The following SREK1IP1 variants were observed in gnomAD, a reference collection of about 807,000 sequenced individuals.
SREK1IP1 encodes the protein SREK1 interacting protein 1, also known as protein SREK1IP1.
SREK1IP1 carries 12 observed loss-of-function variants against 22.8 expected under a neutral mutation model. The observed-to-expected ratio is 0.53, with a 90% CI of 0.34 to 0.85. The LOEUF is 0.85. Ranked by LOEUF, SREK1IP1 falls within the 40% of genes least tolerant of loss-of-function variation. The pLI is 0.02. For synonymous variants in SREK1IP1, 53 were observed against 52.7 expected (o/e 1.01, Z -0.02); for missense variants, 147 against 171.8 (o/e 0.86, Z 0.81).
rs577774363 is a variant in SREK1IP1 at position 64,746,827 on chromosome 5, T to G, written c.62-5627A>C. On this transcript the variant is annotated intron_variant, in intron 2 of 4. Transcript: ENST00000513458. ...AGTTAAGGGCTCAGACCCACAAGACTATTCCCATTTCTGATGCCTATAGCG... is the reference window on the plus strand; with the variant it reads ...AGTTAAGGGCTCAGACCCACAAGACGATTCCCATTTCTGATGCCTATAGCG... Among the ~76,000 whole-genome samples, 69 of 152,292 alleles carry G rather than the reference T, an allele frequency of 4.5e-4. No individual in the cohort carries two copies. In the South Asian group the frequency reaches 0.012, roughly 27 times the overall value.
chr5:64,756,821 T>C (rs941138293), intron 1 of SREK1IP1, among the ~76,000 whole-genome samples: 2 of 152,040 alleles, frequency 1.3e-5, no homozygotes, highest in Admixed American at 6.6e-5. Flanking sequence ...AGAGATGGGG[T>C]TTCACCATGT....
At chr5:64,740,917 C>A in intron 3 of SREK1IP1, 140 bp downstream of exon 3, 1 of 737,016 alleles carries the variant, frequency 1.4e-6, no homozygotes, top group Non-Finnish European at 2.1e-6. Flanking sequence ...AAATAACTTA[C>A]AATATTTAAA....
chr5:64,746,263 T>C (rs962241228), intron 2 of SREK1IP1, among the ~76,000 whole-genome samples: 14 of 152,166 alleles, frequency 9.2e-5, no homozygotes, highest in African/African-American at 3.1e-4. Context: ...ATAAAGCTCT[T>C]AGAAGAAAGC....
chr5:64,753,055 A>T (rs1231817389), intron 2 of SREK1IP1, among the ~76,000 whole-genome samples: 1 of 152,238 alleles, frequency 6.6e-6, no homozygotes, highest in Non-Finnish European at 1.5e-5. Flanking sequence ...ATTACTGCAG[A>T]TACTTCCATT....
rs185174179 is a variant in SREK1IP1 at position 64,762,706 on chromosome 5, G to A, written c.13+5799C>T. Among the ~76,000 whole-genome samples the A allele has an allele frequency of 4.7e-4, 71 of 152,208 alleles. 1 individual carries two copies. The highest frequency in any genetic ancestry group is 1.7e-3 in the African/African-American group (69 of 41,534). On this transcript the variant is annotated intron_variant, in intron 1 of 4. Transcript: ENST00000513458. ...ATAATTTAAAAAATAGGCTAAATGA[G>A]TTTCTCAATGCAAGTATTCTGAAAT...
chr5:64,727,553 A>ATATATATATATTTT, intron 4 of SREK1IP1: 2 of 84,716 alleles, frequency 2.4e-5, no homozygotes, highest in African/African-American at 1.1e-4. Flanking sequence ...ATATATATAT[A>ATATATATATATTTT]TTTTTTTTTT....
intron 1 of SREK1IP1, among the ~76,000 whole-genome samples, chr5:64,767,496 G>A (rs1053144499): frequency 2.3e-4 from 35 of 152,078 alleles, no homozygotes; most frequent in Admixed American, 1.3e-4. Flanking sequence ...GTACTCCTCC[G>A]CAAACTTCAG....
At position 64,768,596 on chromosome 5, in the gene SREK1IP1, C is replaced by G. The variant is rs1743112648; in HGVS notation, c.-79G>C. The G allele has an allele frequency of 6.2e-7, 1 of 1,606,922 alleles. No individual in the cohort carries two copies. The highest frequency in any genetic ancestry group is 1.7e-5 in the Admixed American group (1 of 59,658). ...TCCCGCCAGCTGTGAGAACAAGGCA[C>G]AGTCAAAGCGGCGTTTTCCTTCCCC... On this transcript the variant is annotated 5_prime_UTR_variant, in exon 1 of 5. Transcript: ENST00000513458.
At position 64,719,654 on chromosome 5, in the gene SREK1IP1, A is replaced by C. The variant is rs1156260405; in HGVS notation, c.*4730T>G. The C allele has an allele frequency of 6.6e-6, 1 of 152,184 alleles. No individual in the cohort carries two copies. The highest frequency in any genetic ancestry group is 6.5e-5 in the Admixed American group (1 of 15,274). The allele number at this position is 152,184 out of a possible 1,614,324, so 9.4% of individuals were successfully genotyped here. A position where few individuals can be genotyped will look rare whatever the true frequency, so the allele number is the denominator to read the frequency against. On this transcript the variant is annotated 3_prime_UTR_variant, in exon 5 of 5. Transcript: ENST00000513458. ...GGCCAAGGACTATAAATGGCACAAG[A>C]AGCAAGAAACAGACAGAGCTAGCAA...
chr5:64,741,307 A>G lies in SREK1IP1; in HGVS notation c.62-107T>C, dbSNP rs1464629362. 4 of 1,060,858 alleles carry G rather than the reference A, an allele frequency of 3.8e-6. No individual in the cohort carries two copies. In the African/African-American group the frequency reaches 6.5e-5, roughly 17 times the overall value. The allele number at this position is 1,060,858 out of a possible 1,614,324, so 65.7% of individuals were successfully genotyped here. ...TAACCAGTAAGTTACAATTTCAATAATATAATGTAGAAAGCTTTAACTTTT... is the reference window on the plus strand; with the variant it reads ...TAACCAGTAAGTTACAATTTCAATAGTATAATGTAGAAAGCTTTAACTTTT... On this transcript the variant is annotated intron_variant, in intron 2 of 4. Transcript: ENST00000513458.
rs1561386732 is a variant in SREK1IP1, at chr5:64,741,039, G to A, written c.205+18C>T. 1 of 1,602,816 alleles carries A rather than the reference G, an allele frequency of 6.2e-7. No homozygotes were observed. The highest frequency in any genetic ancestry group is 2.2e-5 in the East Asian group (1 of 44,696). ...CATTTACAAACATTTCTAAAGAATG[G>A]AAAAAAATATTGCTTACTTTTTTCC... On this transcript the variant is annotated intron_variant, in intron 3 of 4. Transcript: ENST00000513458.
chr5:64,745,945 G>A (rs925115585), intron 2 of SREK1IP1, among the ~76,000 whole-genome samples: 4 of 152,108 alleles, frequency 2.6e-5, no homozygotes, highest in Admixed American at 2.6e-4. Flanking sequence ...AAAAAAGGTG[G>A]AGGATTCACC....
At chr5:64,731,051 T>C (rs985584085) in intron 3 of SREK1IP1, among the ~76,000 whole-genome samples, 7 of 152,156 alleles carry the variant, frequency 4.6e-5, no homozygotes, top group African/African-American at 1.7e-4. Context: ...AGATAAGAAC[T>C]TGGAGTAAAA....
chr5:64,741,477 T>TTA (rs1376046471), intron 2 of SREK1IP1, among the ~76,000 whole-genome samples: 3 of 152,124 alleles, frequency 2.0e-5, no homozygotes, highest in African/African-American at 7.2e-5. Flanking sequence ...AAGTATTGAG[T>TTA]TATTCTATTT....
intron 4 of SREK1IP1, among the ~76,000 whole-genome samples, chr5:64,726,210 T>A (rs1742261978): frequency 6.6e-6 from 1 of 152,048 alleles, no homozygotes; most frequent in African/African-American, 2.4e-5. Context: ...GGCTGTGGCA[T>A]AGCAACACTT....
chr5:64,764,577 CAGAG>C (rs1192073584), intron 1 of SREK1IP1, among the ~76,000 whole-genome samples: 1 of 152,056 alleles, frequency 6.6e-6, no homozygotes, highest in African/African-American at 2.4e-5. Context: ...TGCATTCTCG[CAGAG>C]AGAGATGGGG....
At chr5:64,762,240 T>G (rs1742963579) in intron 1 of SREK1IP1, among the ~76,000 whole-genome samples, 1 of 152,214 alleles carries the variant, frequency 6.6e-6, no homozygotes, top group Non-Finnish European at 1.5e-5. Flanking sequence ...CATATACAGC[T>G]TAAGTAACTA....
chr5:64,744,044 A>T (rs13165926), intron 2 of SREK1IP1, among the ~76,000 whole-genome samples: 1 of 152,004 alleles, frequency 6.6e-6, no homozygotes, highest in Non-Finnish European at 1.5e-5. Flanking sequence ...ATAAGATCTC[A>T]GGAACCGGGC....
Position 64,754,494 on chromosome 5 carries a change from T to G in SREK1IP1, c.14-132A>C, listed in dbSNP as rs1742803897. On this transcript the variant is annotated intron_variant, in intron 1 of 4. Transcript: ENST00000513458. ...TTTTTTTTGTTGTTGAGACAAGGTGTCACTCTGTCACCAAGGCTAGAGTAC... is the reference window on the plus strand; with the variant it reads ...TTTTTTTTGTTGTTGAGACAAGGTGGCACTCTGTCACCAAGGCTAGAGTAC... 7 of 770,622 alleles carry G rather than the reference T, an allele frequency of 9.1e-6. No homozygotes were observed. The South Asian group carries it at 1.2e-4, about 14-fold the overall frequency. The allele number at this position is 770,622 out of a possible 1,614,324, so 47.7% of individuals were successfully genotyped here.
Sources: allele counts gnomAD v4.1 joint callset (sites outside exome capture counted in the v4.1 genomes callset), GRCh38; gene constraint gnomAD v4.1.1; transcripts MANE v1.5; gene names NCBI Gene and HGNC (gene_info 2026-07-23, HGNC 2026-07-21).